Variants in QTMAN observed in about 807,000 individuals in gnomAD.
QTMAN encodes the protein tRNA-queuosine alpha-mannosyltransferase.
At chr2:144,318,623 C>A in the QTMAN span, among the ~76,000 whole-genome samples, 1 of 152,110 alleles carries the variant, frequency 6.6e-6, no homozygotes, top group Non-Finnish European at 1.5e-5. Context: ...AGCAGGATGG[C>A]GATGTTAGTT....
the QTMAN span, among the ~76,000 whole-genome samples, chr2:144,323,753 A>C: frequency 6.6e-6 from 1 of 152,316 alleles, no homozygotes; most frequent in East Asian, 1.9e-4. Flanking sequence ...TGAACTCAAA[A>C]ATTGGTCTAA....
the QTMAN span, among the ~76,000 whole-genome samples, chr2:144,162,787 C>T: frequency 1.6e-4 from 24 of 152,098 alleles, no homozygotes; most frequent in Non-Finnish European, 2.5e-4. Context: ...GTCACATCAA[C>T]GAGCAGGTGT....
the QTMAN span, among the ~76,000 whole-genome samples, chr2:144,302,495 T>C: frequency 1.3e-5 from 2 of 152,132 alleles, no homozygotes. Context: ...TAGGAGAGCA[T>C]GATACTTAGA....
chr2:144,172,368 C>G, the QTMAN span, among the ~76,000 whole-genome samples: 1 of 152,070 alleles, frequency 6.6e-6, no homozygotes, highest in African/African-American at 2.4e-5. Context: ...CACCCATAAT[C>G]TCAACACTTT....
At chr2:144,225,345 T>A in the QTMAN span, among the ~76,000 whole-genome samples, 7 of 152,238 alleles carry the variant, frequency 4.6e-5, no homozygotes, top group Admixed American at 2.0e-4. Flanking sequence ...ATCAGCCTTC[T>A]AACTCATCTC....
At chr2:144,159,162 T>C in the QTMAN span, among the ~76,000 whole-genome samples, 1 of 152,050 alleles carries the variant, frequency 6.6e-6, no homozygotes, top group African/African-American at 2.4e-5. Context: ...AGGTGAGACA[T>C]CTTTCTAGGA....
At chr2:144,191,022 A>C in the QTMAN span, among the ~76,000 whole-genome samples, 1 of 152,178 alleles carries the variant, frequency 6.6e-6, no homozygotes, top group South Asian at 2.1e-4. Context: ...GTCTAATGAA[A>C]CCATTTTTCC....
At chr2:144,088,238 A>C in the QTMAN span, among the ~76,000 whole-genome samples, 1 of 152,002 alleles carries the variant, frequency 6.6e-6, no homozygotes, top group African/African-American at 2.4e-5. Context: ...AAAAAACCCT[A>C]AGAATAAATT....
the QTMAN span, chr2:143,952,121 A>C: frequency 1.9e-6 from 2 of 1,052,962 alleles, no homozygotes; most frequent in East Asian, 2.4e-5. Flanking sequence ...ACCTCAAAGC[A>C]CACACTCGAT....
At chr2:144,169,236 A>G in the QTMAN span, among the ~76,000 whole-genome samples, 3 of 152,230 alleles carry the variant, frequency 2.0e-5, no homozygotes, top group African/African-American at 7.2e-5. Context: ...CTCCCAAGAG[A>G]TATCTATGTG....
At chr2:143,991,916 G>T in the QTMAN span, among the ~76,000 whole-genome samples, 1 of 149,750 alleles carries the variant, frequency 6.7e-6, no homozygotes. Flanking sequence ...AGGTGGGGGG[G>T]TCAGCCCCCC....
chr2:144,292,772 G>T, the QTMAN span, among the ~76,000 whole-genome samples: 2 of 152,044 alleles, frequency 1.3e-5, no homozygotes, highest in African/African-American at 4.8e-5. Context: ...GAAACAGAAA[G>T]AAGAAATAAG....
the QTMAN span, among the ~76,000 whole-genome samples, chr2:144,324,139 A>C: frequency 1.3e-5 from 2 of 152,346 alleles, no homozygotes; most frequent in Middle Eastern, 3.4e-3. Context: ...GTGATGAATC[A>C]TCCAATACAA....
the QTMAN span, among the ~76,000 whole-genome samples, chr2:144,171,791 A>G: frequency 6.6e-6 from 1 of 152,144 alleles, no homozygotes; most frequent in Non-Finnish European, 1.5e-5. Flanking sequence ...TAGAAGCCCA[A>G]ATAATTTATG....
the QTMAN span, among the ~76,000 whole-genome samples, chr2:144,061,228 T>C: frequency 6.6e-6 from 1 of 152,188 alleles, no homozygotes; most frequent in Non-Finnish European, 1.5e-5. Context: ...ACAAAATATT[T>C]ATTTTGTCCA....
the QTMAN span, among the ~76,000 whole-genome samples, chr2:144,169,299 G>A: frequency 4.8e-4 from 73 of 152,118 alleles, no homozygotes; most frequent in African/African-American, 1.7e-3. Context: ...GAGACAATTT[G>A]TTTATTTTCT....
At chr2:144,004,886 C>T in the QTMAN span, among the ~76,000 whole-genome samples, 2 of 151,984 alleles carry the variant, frequency 1.3e-5, no homozygotes, top group Non-Finnish European at 2.9e-5. Flanking sequence ...CTTTGATGTC[C>T]CCACAAGAGT....
At chr2:144,204,659 T>C in the QTMAN span, among the ~76,000 whole-genome samples, 1 of 152,028 alleles carries the variant, frequency 6.6e-6, no homozygotes. Flanking sequence ...GCCCAAAGGA[T>C]TATAAATCAT....
chr2:144,033,593 T>G, the QTMAN span, among the ~76,000 whole-genome samples: 1 of 152,168 alleles, frequency 6.6e-6, no homozygotes, highest in Admixed American at 6.5e-5. Context: ...TATGACTGAT[T>G]ACATCATTGG....
Sources: allele counts gnomAD v4.1 joint callset (sites outside exome capture counted in the v4.1 genomes callset), GRCh38; gene constraint gnomAD v4.1.1; transcripts MANE v1.5; gene names NCBI Gene and HGNC (gene_info 2026-07-23, HGNC 2026-07-21).